Variants in SAMD12 observed in about 807,000 individuals in gnomAD.
SAMD12 encodes the protein sterile alpha motif domain containing 12, also known as sterile alpha motif domain-containing protein 12.
SAMD12 carries 9 observed loss-of-function variants against 15.0 expected under a neutral mutation model. The ratio of observed to expected loss-of-function variants is 0.60; its 90% confidence interval spans 0.36 to 1.05. The LOEUF (loss-of-function observed/expected upper bound fraction) is 1.05. SAMD12 is among the 50% of genes least tolerant of loss of function. SAMD12 has a pLI of 0.01. For missense variants in SAMD12, 230 were observed against 234.2 expected, an observed-to-expected ratio of 0.98 and a Z score of 0.12; for synonymous variants, 86 against 90.1, an observed-to-expected ratio of 0.96 and a Z score of 0.25.
the SAMD12 span, among the ~76,000 whole-genome samples, chr8:118,170,227 TA>T: frequency 6.6e-6 from 1 of 152,144 alleles, no homozygotes; most frequent in Non-Finnish European, 1.5e-5. Context: ...TCGTGAAGAT[TA>T]AATGCCATCC....
At chr8:118,593,849 C>CA (rs1827648446) in intron 1 of SAMD12, among the ~76,000 whole-genome samples, 1 of 152,028 alleles carries the variant, frequency 6.6e-6, no homozygotes, top group Non-Finnish European at 1.5e-5. Context: ...TCCAGAATTA[C>CA]AAAAAAATAA....
chr8:118,500,736 G>T (rs1824760440), intron 2 of SAMD12, among the ~76,000 whole-genome samples: 1 of 152,124 alleles, frequency 6.6e-6, no homozygotes, highest in African/African-American at 2.4e-5. Flanking sequence ...AACCCAGGAG[G>T]CAGAGATTGC....
chr8:118,361,803 G>A (rs1818513213), intron 4 of SAMD12, among the ~76,000 whole-genome samples: 1 of 152,134 alleles, frequency 6.6e-6, no homozygotes, highest in African/African-American at 2.4e-5. Context: ...ACAGGGTGGA[G>A]CAATAATTTG....
chr8:118,558,346 G>A (rs1476082780), intron 2 of SAMD12, among the ~76,000 whole-genome samples: 2 of 152,058 alleles, frequency 1.3e-5, no homozygotes, highest in African/African-American at 2.4e-5. Flanking sequence ...TTCTATGATT[G>A]TAAATTTGTG....
chr8:118,344,764 A>G (rs1319917843), intron 4 of SAMD12, among the ~76,000 whole-genome samples: 1 of 152,212 alleles, frequency 6.6e-6, no homozygotes, highest in Non-Finnish European at 1.5e-5. Context: ...AAAGGCTCTC[A>G]GCAGGAGCTC....
At chr8:118,226,755 C>T (rs998959094) in intron 4 of SAMD12, among the ~76,000 whole-genome samples, 1 of 152,108 alleles carries the variant, frequency 6.6e-6, no homozygotes, top group Non-Finnish European at 1.5e-5. Flanking sequence ...AGCAAAGTTC[C>T]ATGGGTGCAC....
the SAMD12 span, among the ~76,000 whole-genome samples, chr8:118,158,795 G>A: frequency 6.6e-6 from 1 of 152,106 alleles, no homozygotes; most frequent in African/African-American, 2.4e-5. Context: ...CAAATGATGG[G>A]ATGACTTACC....
At chr8:118,548,057 G>C (rs1365702316) in intron 2 of SAMD12, among the ~76,000 whole-genome samples, 1 of 152,028 alleles carries the variant, frequency 6.6e-6, no homozygotes, top group Non-Finnish European at 1.5e-5. Context: ...CAGCCCAGGA[G>C]GACCTTATTT....
chr8:118,406,565 G>A (rs1484862031), intron 3 of SAMD12, among the ~76,000 whole-genome samples: 1 of 151,958 alleles, frequency 6.6e-6, no homozygotes, highest in Non-Finnish European at 1.5e-5. Flanking sequence ...TGAGGTACTG[G>A]CCCAACCTCT....
intron 1 of SAMD12, among the ~76,000 whole-genome samples, chr8:118,607,515 C>T (rs1351774050): frequency 1.3e-5 from 2 of 152,178 alleles, no homozygotes; most frequent in Non-Finnish European, 2.9e-5. Flanking sequence ...GGATTACAGG[C>T]GTGAGCCACT....
At chr8:118,318,412 T>C (rs1319752477) in intron 4 of SAMD12, among the ~76,000 whole-genome samples, 1 of 149,556 alleles carries the variant, frequency 6.7e-6, no homozygotes, top group African/African-American at 2.4e-5. Context: ...TAATGTCTTT[T>C]GTAGCAACTT....
At chr8:118,564,184 C>T (rs1467045118) in intron 2 of SAMD12, among the ~76,000 whole-genome samples, 2 of 150,626 alleles carry the variant, frequency 1.3e-5, no homozygotes, top group African/African-American at 2.4e-5. Flanking sequence ...GATTACCCAT[C>T]CCCCCCTCAC....
chr8:118,295,793 G>A (rs1243159433), intron 4 of SAMD12: 2 of 151,986 alleles, frequency 1.3e-5, no homozygotes, highest in African/African-American at 4.8e-5. Flanking sequence ...GGGACTACAG[G>A]TGTGTTACCC....
At chr8:118,607,961 AC>A (rs1188104988) in intron 1 of SAMD12, among the ~76,000 whole-genome samples, 1 of 152,110 alleles carries the variant, frequency 6.6e-6, no homozygotes, top group Non-Finnish European at 1.5e-5. Context: ...AATATTTTCT[AC>A]CTTTTATAAA....
intron 2 of SAMD12, among the ~76,000 whole-genome samples, chr8:118,483,468 T>C (rs1405129918): frequency 2.0e-5 from 3 of 152,230 alleles, no homozygotes; most frequent in Non-Finnish European, 4.4e-5. Context: ...AATAAGAACT[T>C]CTGTCAATCA....
At chr8:118,526,938 A>G (rs1382403591) in intron 2 of SAMD12, among the ~76,000 whole-genome samples, 1 of 152,236 alleles carries the variant, frequency 6.6e-6, no homozygotes, top group Non-Finnish European at 1.5e-5. Context: ...CAGCAACTGC[A>G]CTAGTCATAT....
At chr8:118,237,609 T>C (rs1277878138) in intron 4 of SAMD12, among the ~76,000 whole-genome samples, 3 of 152,100 alleles carry the variant, frequency 2.0e-5, no homozygotes, top group Admixed American at 1.3e-4. Flanking sequence ...CCAGGGCCTC[T>C]TACTATGAGA....
chr8:118,520,932 A>C (rs1309023132), intron 2 of SAMD12, among the ~76,000 whole-genome samples: 1 of 152,214 alleles, frequency 6.6e-6, no homozygotes, highest in African/African-American at 2.4e-5. Flanking sequence ...TAAACCTATT[A>C]TGTAGCACAG....
chr8:118,197,712 A>C, exon 5 of SAMD12: 1 of 1,613,564 alleles, frequency 6.2e-7, no homozygotes, highest in Non-Finnish European at 8.5e-7. Context: ...AACCGTGTTT[A>C]TGGAGAACCC....
Sources: gnomAD v4.1 joint callset for allele counts (sites outside exome capture counted in the v4.1 genomes callset) on GRCh38, gnomAD v4.1.1 for gene constraint, MANE v1.5 for transcripts, NCBI Gene and HGNC (gene_info 2026-07-23, HGNC 2026-07-21) for gene names.